RBM5: variants seen among roughly 807,000 people sequenced by gnomAD.
RBM5 encodes the protein RNA-binding protein 5.
In RBM5, 15 loss-of-function variants were observed where a neutral mutation model predicts 124.6. That is an observed-to-expected ratio of 0.12 (90% CI 0.08 to 0.19). RBM5 has a LOEUF of 0.19. Ranked by LOEUF, RBM5 falls within the 10% of genes least tolerant of loss-of-function variation. RBM5 has a pLI of 1.00. For missense variants in RBM5, 580 were observed against 1,026.5 expected (o/e 0.57, Z 5.94); for synonymous variants, 337 against 361.2 (o/e 0.93, Z 0.76).
Position 50,118,629 on chromosome 3 carries a change from G to A in RBM5, c.*173G>A. On this transcript the variant is annotated 3_prime_UTR_variant, in exon 25 of 25. Transcript: ENST00000347869. ...ACCTTAAAGAAGTTCCCCTTATGTG[G>A]GTTGCCTGGTGAATGGCCTTCCTTC... The A allele has an allele frequency of 2.8e-6, 3 of 1,056,842 alleles. No individual in the cohort carries two copies. Among genetic ancestry groups the A allele is most frequent in the Non-Finnish European group, 4.0e-6 (3 of 747,924 alleles). The allele number at this position is 1,056,842 out of a possible 1,614,324, so 65.5% of individuals were successfully genotyped here.
At chr3:50,116,318 G>A (rs779892398) in intron 22 of RBM5, 23 of 256,402 alleles carry the variant, frequency 9.0e-5, no homozygotes, top group Non-Finnish European at 1.3e-4. Flanking sequence ...AAAGAAGTGC[G>A]CTTCAAATTA....
chr3:50,107,545 T>C lies in RBM5; in HGVS notation c.1017T>C (p.Ala339=). The C allele has an allele frequency of 6.2e-7, 1 of 1,610,164 alleles. No homozygotes were observed. The highest frequency in any genetic ancestry group is 8.5e-7 in the Non-Finnish European group (1 of 1,176,472). Residue 339 remains alanine, a synonymous_variant, in exon 12 of 25, where the codon GCT becomes GCC. Coordinates refer to ENST00000347869, the MANE Select transcript of RBM5 (RefSeq NM_005778.4). ...SAFSVASTAI[A]AAQWSSTQSQ... is the part of the protein sequence containing the mutation. ...TCTCTGTAGCTAGTACGGCTATTGC[T>C]GCTGCTCAGTGGTCATCCACCCAGG...
chr3:50,100,409 T>A lies in RBM5; in HGVS notation c.410-123T>A. On this transcript the variant is annotated intron_variant, in intron 5 of 24. Transcript: ENST00000347869. This position sits in a 1 kb window ranked among gnomAD's most constrained non-coding sequence, Gnocchi z 5.1. ...AAGAAGATCCCCAAGTCAAGTCACA[T>A]TTGTAAAGCTGCTTCCCAATTGGCT... The A allele has an allele frequency of 1.2e-6, 1 of 812,926 alleles. No individual in the cohort carries two copies. The highest frequency in any genetic ancestry group is 2.0e-6 in the Non-Finnish European group (1 of 502,732). The allele number at this position is 812,926 out of a possible 1,614,324, so 50.4% of individuals were successfully genotyped here. A position where few individuals can be genotyped will look rare whatever the true frequency, so the allele number is the denominator to read the frequency against.
rs757750045 is a variant in RBM5 at position 50,090,428 on chromosome 3, T to C, written c.-7T>C. On this transcript the variant is annotated 5_prime_UTR_variant, in exon 2 of 25. Coordinates refer to ENST00000347869, the MANE Select transcript of RBM5 (RefSeq NM_005778.4). ...TTGGAGCTGTGTGCTAAATCTTCAG[T>C]GGGACAATGGGTTCAGACAAAAGGT... 9.3e-6 allele frequency: 15 copies of C among 1,613,900 alleles called. No individual in the cohort carries two copies. In the Admixed American group the frequency reaches 1.8e-4, roughly 20 times the overall value.
At chr3:50,108,330 CT>C in intron 14 of RBM5, 26 bp downstream of exon 14, 1 of 1,573,274 alleles carries the variant, frequency 6.4e-7, no homozygotes, top group Non-Finnish European at 8.7e-7. Context: ...TCCCTTTTAC[CT>C]TTTGTTTAAG....
Position 50,108,300 on chromosome 3 carries a change from A to T in RBM5, c.1188A>T (p.Ala396=), listed in dbSNP as rs929687245. ...GATTGGAATCTGATGCATCATCTGC[A>T]TCAGGTAGTAAACTTCATCTCCCTT... ...AGGLESDASS[A]SGTAVTTTSA... is the part of the protein sequence containing the mutation. Residue 396 remains alanine (A), a synonymous_variant, in exon 14 of 25, where the codon GCA becomes GCT. Coordinates refer to ENST00000347869, the MANE Select transcript of RBM5 (RefSeq NM_005778.4). 6.2e-7 allele frequency: 1 copy of T among 1,607,860 alleles called. No homozygotes were observed. Among genetic ancestry groups the T allele is most frequent in the Non-Finnish European group, 8.5e-7 (1 of 1,174,336 alleles).
chr3:50,104,963 GA>G (rs869100988), intron 8 of RBM5, 113 bp from the exon 9 acceptor site: 7 of 833,330 alleles, frequency 8.4e-6, no homozygotes, highest in Non-Finnish European at 1.3e-5. Flanking sequence ...GCTTAAAAAA[GA>G]AAAAAACGAT....
intron 16 of RBM5, 76 bp downstream of exon 16, chr3:50,110,539 C>T (rs1559693394): frequency 8.7e-6 from 13 of 1,495,146 alleles, no homozygotes; most frequent in Non-Finnish European, 1.2e-5. Flanking sequence ...AGTTCTTCTC[C>T]CTTTGCGGGT....
intron 10 of RBM5, among the ~76,000 whole-genome samples, chr3:50,106,020 T>C (rs1167333173): frequency 2.0e-5 from 3 of 150,860 alleles, no homozygotes. Context: ...TGGCACCATC[T>C]CGGATCACTG....
intron 22 of RBM5, 101 bp from the exon 23 acceptor site, chr3:50,116,973 A>C (rs887976767): frequency 4.5e-6 from 5 of 1,100,346 alleles, no homozygotes; most frequent in Non-Finnish European, 6.7e-6. Context: ...AGCATTCTTC[A>C]GATTTAAAAA....
intron 4 of RBM5, among the ~76,000 whole-genome samples, chr3:50,099,330 G>A (rs1255394572): frequency 7.2e-5 from 11 of 151,956 alleles, no homozygotes; most frequent in Non-Finnish European, 1.5e-4. Flanking sequence ...CTTCAGTGCT[G>A]TTATAATGCA....
intron 3 of RBM5, among the ~76,000 whole-genome samples, chr3:50,093,196 T>C (rs1039315849): frequency 2.0e-5 from 3 of 150,622 alleles, no homozygotes; most frequent in Admixed American, 6.6e-5. Flanking sequence ...TCCCAGCACT[T>C]TGGGAGGCCG....
intron 24 of RBM5, 153 bp from the exon 25 acceptor site, chr3:50,118,178 T>C (rs2091293004): frequency 9.4e-7 from 1 of 1,066,524 alleles, no homozygotes; most frequent in Non-Finnish European, 1.3e-6. Context: ...TTATACTTGC[T>C]CCTGGTCTCT....
Position 50,105,471 on chromosome 3 carries a change from C to T in RBM5, c.695-78C>T. On this transcript the variant is annotated intron_variant, in intron 9 of 24. Coordinates refer to ENST00000347869, the MANE Select transcript of RBM5 (RefSeq NM_005778.4). ...AATGTCACAAATGGATTTGTATGTA[C>T]TTGACCCTATCTTGGAAAACTTTGG... 2.1e-6 allele frequency: 3 copies of T among 1,431,794 alleles called. No homozygotes were observed. In the South Asian group the frequency reaches 3.8e-5, roughly 18 times the overall value. The allele number at this position is 1,431,794 out of a possible 1,614,324, so 88.7% of individuals were successfully genotyped here. A position where few individuals can be genotyped will look rare whatever the true frequency, so the allele number is the denominator to read the frequency against.
Position 50,118,469 on chromosome 3 carries a change from G to A in RBM5, c.*13G>A, listed in dbSNP as rs748562846. ...TGAGATGGAGTGAGAGAGAGAGAGAGAGAGAGATGACAAGGAGCACAAGAA... is the reference window on the plus strand; with the variant it reads ...TGAGATGGAGTGAGAGAGAGAGAGAAAGAGAGATGACAAGGAGCACAAGAA... On this transcript the variant is annotated 3_prime_UTR_variant, in exon 25 of 25. Transcript: ENST00000347869. 2.5e-6 allele frequency: 4 copies of A among 1,612,552 alleles called. No homozygotes were observed. In the South Asian group the frequency reaches 4.4e-5, roughly 18 times the overall value.
chr3:50,114,215 A>G lies in RBM5; in HGVS notation c.1803A>G (p.Glu601=), dbSNP rs761775559. 6 of 1,612,470 alleles carry G rather than the reference A, an allele frequency of 3.7e-6. No individual in the cohort carries two copies. Among genetic ancestry groups the G allele is most frequent in the Non-Finnish European group, 5.1e-6 (6 of 1,179,630 alleles). Residue 601 remains glutamate, a synonymous_variant, in exon 20 of 25, where the codon GAA becomes GAG. Transcript: ENST00000347869. ...CTGAAAGGCAGCAGCTCATCCCAGA[A>G]TTGGTGCGAAATGGAGATGAGGAGA... ...ALAERQQLIP[E]LVRNGDEENP...
At chr3:50,096,951 G>A (rs1285344111) in intron 4 of RBM5, among the ~76,000 whole-genome samples, 1 of 152,048 alleles carries the variant, frequency 6.6e-6, no homozygotes, top group African/African-American at 2.4e-5. Context: ...ACATGAGCAG[G>A]GAATAGAAAG....
At chr3:50,096,787 T>G (rs80275230) in intron 4 of RBM5, among the ~76,000 whole-genome samples, 1 of 151,704 alleles carries the variant, frequency 6.6e-6, no homozygotes, top group Non-Finnish European at 1.5e-5. Context: ...TTTTTTTTTT[T>G]GTAGAGACAA....
In RBM5 at chr3:50,108,051, T is replaced by G; in HGVS notation, c.1042-19T>G. The stretch of plus-strand genomic sequence containing the variant: ...AATGCCTACTAAGTTTGTCTTTGTC[T>G]CATTTTGATGTTTTGTAGTCTCAAA... On this transcript the variant is annotated intron_variant, in intron 12 of 24. Coordinates refer to ENST00000347869, the MANE Select transcript of RBM5 (RefSeq NM_005778.4). 2.5e-6 allele frequency: 4 copies of G among 1,583,038 alleles called. No homozygotes were observed. Among genetic ancestry groups the G allele is most frequent in the Non-Finnish European group, 3.5e-6 (4 of 1,151,802 alleles).
Sources: allele counts gnomAD v4.1 joint callset (sites outside exome capture counted in the v4.1 genomes callset), GRCh38; gene constraint gnomAD v4.1.1; non-coding constraint Gnocchi (gnomAD v3.1); transcripts MANE v1.5; gene names NCBI Gene and HGNC (gene_info 2026-07-23, HGNC 2026-07-21).